The following IGLON5 variants were observed in gnomAD, a reference collection of about 807,000 sequenced individuals.
The protein encoded by IGLON5 is Ig-like domain-containing protein ENSP00000270642.
In IGLON5, 16 loss-of-function variants were observed where a neutral mutation model predicts 38.2. The observed-to-expected ratio is 0.42, with a 90% CI of 0.28 to 0.64. The LOEUF (loss-of-function observed/expected upper bound fraction) is 0.64. Ranked by LOEUF, IGLON5 falls within the 30% of genes least tolerant of loss-of-function variation. The pLI, the probability that IGLON5 is intolerant of heterozygous loss-of-function variation, is 0.23. For missense variants in IGLON5, 366 were observed against 483.4 expected (o/e 0.76, Z 2.28); for synonymous variants, 207 against 216.4 (o/e 0.96, Z 0.38).
rs545268007 is a variant in IGLON5 at position 51,314,898 on chromosome 19, G to A, written c.79+2972G>A. ...GAGAGAACCGGTCTGTGGCTGGAGT[G>A]CATCCTTCCATAGCTTTCTCTCACT... On this transcript the variant is annotated intron_variant, in intron 1 of 7. Transcript: ENST00000270642. Among the ~76,000 whole-genome samples, 23 of 152,136 alleles carry A rather than the reference G, an allele frequency of 1.5e-4. No homozygotes were observed. In the East Asian group the frequency reaches 1.9e-3, roughly 13 times the overall value.
rs1316509699 is a variant in IGLON5, at chr19:51,328,994, G to A, written c.*235G>A. The A allele has an allele frequency of 4.4e-6, 2 of 454,494 alleles. No homozygotes were observed. Among genetic ancestry groups the A allele is most frequent in the African/African-American group, 2.0e-5 (1 of 49,056 alleles). The allele number at this position is 454,494 out of a possible 1,614,324, so 28.2% of individuals were successfully genotyped here. ...ACAGCCATTCTCGCCACCCGTTCAC[G>A]TTTCCGATTGTGACCCACTCCCGCC... On this transcript the variant is annotated 3_prime_UTR_variant, in exon 8 of 8. Coordinates refer to ENST00000270642, the MANE Select transcript of IGLON5 (RefSeq NM_001101372.3).
intron 1 of IGLON5, among the ~76,000 whole-genome samples, chr19:51,318,929 C>T (rs150952876): frequency 6.6e-6 from 1 of 152,150 alleles, no homozygotes. Flanking sequence ...TGGCTCTCAA[C>T]GGGGAAGGGG....
chr19:51,312,182 TC>T (rs1404693250), intron 1 of IGLON5, among the ~76,000 whole-genome samples: 1 of 151,616 alleles, frequency 6.6e-6, no homozygotes, highest in Non-Finnish European at 1.5e-5. Context: ...GAGGTCTGCT[TC>T]CCCGAGCAGG....
In IGLON5 at chr19:51,327,318, C is replaced by A; in HGVS notation, c.767+118C>A. On this transcript the variant is annotated intron_variant, in intron 6 of 7. Transcript: ENST00000270642. This position sits in a 1 kb window ranked among gnomAD's most constrained non-coding sequence, Gnocchi z 7.1. ...AGGCAGCAGAGCTCTGGGTCCCGAA[C>A]CTGGGGCGTCCAGCTTCTAGGTGAT... is the stretch of plus-strand genomic sequence containing the variant. 7.3e-7 allele frequency: 1 copy of A among 1,371,802 alleles called. No homozygotes were observed. Among genetic ancestry groups the A allele is most frequent in the Non-Finnish European group, 9.9e-7 (1 of 1,013,408 alleles). The allele number at this position is 1,371,802 out of a possible 1,614,324, so 85.0% of individuals were successfully genotyped here.
In IGLON5 at chr19:51,325,997, C is replaced by T. The variant is rs557283392; in HGVS notation, c.511+532C>T. On this transcript the variant is annotated intron_variant, in intron 4 of 7. Coordinates refer to ENST00000270642, the MANE Select transcript of IGLON5 (RefSeq NM_001101372.3). The surrounding 1 kb of genome is among the most constrained non-coding windows in gnomAD (Gnocchi z 5.5). ...CAAAGCTCCCTCTCGCTCCACAAGC[C>T]CCAAGAACCAGTGCTCAAGGTTACC... 1.3e-5 allele frequency among the ~76,000 whole-genome samples: 2 copies of T among 152,224 alleles called. No homozygotes were observed. Among genetic ancestry groups the T allele is most frequent in the African/African-American group, 4.8e-5 (2 of 41,538 alleles).
At chr19:51,315,940 C>T (rs980498895) in intron 1 of IGLON5, among the ~76,000 whole-genome samples, 7 of 151,978 alleles carry the variant, frequency 4.6e-5, no homozygotes, top group Admixed American at 6.5e-5. Flanking sequence ...ATGATCCGCC[C>T]GTCTTGGCCT....
rs199623253 is a variant in IGLON5 at position 51,325,496 on chromosome 19, G to A, written c.511+31G>A. ...GACCCCATCCCAGGTCAAAAGCCCC[G>A]TCCCCCACTGCGCAGTCTGGGCCCC... On this transcript the variant is annotated intron_variant, in intron 4 of 7. Transcript: ENST00000270642. This position sits in a 1 kb window ranked among gnomAD's most constrained non-coding sequence, Gnocchi z 5.5. 451 of 1,587,230 alleles carry A rather than the reference G, an allele frequency of 2.8e-4. 1 individual carries two copies. The African/African-American group carries it at 3.7e-3, about 13-fold the overall frequency.
At chr19:51,311,976 G>A (rs1424005155) in intron 1 of IGLON5, 50 bp downstream of exon 1, 2 of 1,098,050 alleles carry the variant, frequency 1.8e-6, no homozygotes, top group Non-Finnish European at 2.3e-6. Flanking sequence ...CAGGGTCTTG[G>A]GTGGGTAATC....
Position 51,322,113 on chromosome 19 carries a change from A to T in IGLON5, c.129A>T (p.Thr43=), listed in dbSNP as rs748633018. Residue 43 remains threonine, a synonymous_variant, in exon 2 of 8, where the codon ACA becomes ACT. Coordinates refer to ENST00000270642, the MANE Select transcript of IGLON5 (RefSeq NM_001101372.3). ...TCAACTCTCCTGCCGACAACTACACAGTGTGTGAAGGTGACAACGCCACCC... is the reference window on the plus strand; with the variant it reads ...TCAACTCTCCTGCCGACAACTACACTGTGTGTGAAGGTGACAACGCCACCC... ...LEFNSPADNY[T]VCEGDNATLS... 7.4e-6 allele frequency: 12 copies of T among 1,613,306 alleles called. No homozygotes were observed. The South Asian group carries it at 1.2e-4, about 16-fold the overall frequency.
At position 51,322,154 on chromosome 19, in the gene IGLON5, G is replaced by A. The variant is rs774594081; in HGVS notation, c.158+12G>A. The A allele has an allele frequency of 2.4e-5, 38 of 1,600,674 alleles. No homozygotes were observed. The highest frequency in any genetic ancestry group is 3.0e-5 in the Non-Finnish European group (35 of 1,170,082). On this transcript the variant is annotated intron_variant, in intron 2 of 7. Transcript: ENST00000270642. ...AACGCCACCCTCAGGTACCTCCCTC[G>A]GTGGGTGGGGACTCAGATCTCATGG...
rs1985298650 is a variant in IGLON5 at position 51,329,501 on chromosome 19, G to A, written c.*742G>A. 6.6e-6 allele frequency: 1 copy of A among 152,232 alleles called. No individual in the cohort carries two copies. Among genetic ancestry groups the A allele is most frequent in the African/African-American group, 2.4e-5 (1 of 41,430 alleles). The allele number at this position is 152,232 out of a possible 1,614,324, so 9.4% of individuals were successfully genotyped here. On this transcript the variant is annotated 3_prime_UTR_variant, in exon 8 of 8. Coordinates refer to ENST00000270642, the MANE Select transcript of IGLON5 (RefSeq NM_001101372.3). This position sits in a 1 kb window ranked among gnomAD's most constrained non-coding sequence, Gnocchi z 4.3. ...CCCCATCGCTGGCTCAGTGGCCTGA[G>A]ACCTTCCCACTTTTCCTGTCCCTCC...
Position 51,328,892 on chromosome 19 carries a change from AGAG to A in IGLON5, c.*141_*143del, listed in dbSNP as rs536146749. 4.2e-4 allele frequency: 244 copies of A among 577,604 alleles called. 1 individual carries two copies. Among genetic ancestry groups the A allele is most frequent in the African/African-American group, 4.1e-3 (211 of 51,484 alleles). 35.8% of individuals were successfully genotyped at this position (577,604 alleles called of 1,614,324 possible). Reference sequence around the variant, plus strand: ...CCACCAAGGAAGAAGAGAGAGGAGAAGAGGAGGAGGCAGAGGAAGAAAGATCTT... The same window carrying A: ...CCACCAAGGAAGAAGAGAGAGGAGAAGAGGAGGCAGAGGAAGAAAGATCTT... On this transcript the variant is annotated 3_prime_UTR_variant, in exon 8 of 8. Transcript: ENST00000270642.
chr19:51,326,777 G>A lies in IGLON5; in HGVS notation c.525G>A (p.Ser175=), dbSNP rs995655841. Residue 175 remains serine (S), a synonymous_variant, in exon 5 of 8, where the codon TCG becomes TCA. Coordinates refer to ENST00000270642, the MANE Select transcript of IGLON5 (RefSeq NM_001101372.3). ...TTCCCCCCACAGACGGCTTCACCTC[G>A]GAGGGAGAGATCCTGGAGATCTCTG... ...TWRQLRDGFT[S]EGEILEISDI... 2.6e-6 allele frequency: 4 copies of A among 1,548,766 alleles called. No individual in the cohort carries two copies. The highest frequency in any genetic ancestry group is 2.4e-5 in the East Asian group (1 of 40,858).
At position 51,329,007 on chromosome 19, in the gene IGLON5, A is replaced by T. The variant is rs1599829518; in HGVS notation, c.*248A>T. On this transcript the variant is annotated 3_prime_UTR_variant, in exon 8 of 8. Transcript: ENST00000270642. The surrounding 1 kb of genome is among the most constrained non-coding windows in gnomAD (Gnocchi z 4.3). The stretch of plus-strand genomic sequence containing the variant: ...CCACCCGTTCACGTTTCCGATTGTG[A>T]CCCACTCCCGCCACCCCATACCCCT... 1 of 423,384 alleles carries T rather than the reference A, an allele frequency of 2.4e-6. No individual in the cohort carries two copies. Among genetic ancestry groups the T allele is most frequent in the East Asian group, 4.2e-5 (1 of 23,910 alleles). The allele number at this position is 423,384 out of a possible 1,614,324, so 26.2% of individuals were successfully genotyped here.
At chr19:51,313,647 T>TTTTCTTTCTTTC (rs1555750477) in intron 1 of IGLON5, among the ~76,000 whole-genome samples, 8,488 of 116,050 alleles carry the variant, frequency 0.073, 480 homozygotes, top group Admixed American at 0.11. Context: ...CTCTCTCTCT[T>TTTTCTTTCTTTC]TTTCTTTCTT....
At chr19:51,319,241 G>A (rs1984996360) in intron 1 of IGLON5, among the ~76,000 whole-genome samples, 1 of 152,182 alleles carries the variant, frequency 6.6e-6, no homozygotes, top group Non-Finnish European at 1.5e-5. Context: ...AGCACTGAAT[G>A]TGGCACTACC....
chr19:51,318,960 CG>C (rs1398568214), intron 1 of IGLON5, among the ~76,000 whole-genome samples: 2 of 152,150 alleles, frequency 1.3e-5, no homozygotes. Context: ...TTGCCCCTTA[CG>C]GGGCATCTGA....
chr19:51,314,784 A>C (rs1201853401), intron 1 of IGLON5, among the ~76,000 whole-genome samples: 1 of 152,192 alleles, frequency 6.6e-6, no homozygotes, highest in Non-Finnish European at 1.5e-5. Flanking sequence ...TCCAAGTTAC[A>C]AGAGGAATAC....
Position 51,327,675 on chromosome 19 carries a change from C to T in IGLON5, c.768-57C>T. On this transcript the variant is annotated intron_variant, in intron 6 of 7. Transcript: ENST00000270642. This position sits in a 1 kb window ranked among gnomAD's most constrained non-coding sequence, Gnocchi z 7.1. ...CCGGGGAACGGAGGAGCCTGAGAGT[C>T]GGGGGGCTGGCCTGGCTGGGCGCTG... The T allele has an allele frequency of 1.3e-6, 2 of 1,535,858 alleles. No homozygotes were observed. Among genetic ancestry groups the T allele is most frequent in the Non-Finnish European group, 1.7e-6 (2 of 1,146,760 alleles).
Sources: allele counts gnomAD v4.1 joint callset (sites outside exome capture counted in the v4.1 genomes callset), GRCh38; gene constraint gnomAD v4.1.1; non-coding constraint Gnocchi (gnomAD v3.1); transcripts MANE v1.5; gene names NCBI Gene and HGNC (gene_info 2026-07-23, HGNC 2026-07-21).